CCDC152: variants seen among roughly 807,000 people sequenced by gnomAD.
CCDC152 encodes coiled-coil domain-containing protein 152.
In CCDC152, 37 loss-of-function variants were observed where a neutral mutation model predicts 38.1. That is an observed-to-expected ratio of 0.97 (90% confidence interval 0.75 to 1.28). The LOEUF is 1.28. Among genes scored for constraint, CCDC152 ranks in the 50% most tolerant of loss-of-function variants. CCDC152 has a pLI of 0.00. For synonymous variants in CCDC152, 83 were observed against 87.1 expected, an observed-to-expected ratio of 0.95 and a Z score of 0.26; for missense variants, 259 against 292.1, an observed-to-expected ratio of 0.89 and a Z score of 0.83.
intron 7 of CCDC152, 42 bp from the exon 8 acceptor site, chr5:42,799,333 A>G: frequency 1.0e-6 from 1 of 1,004,812 alleles, no homozygotes; most frequent in Non-Finnish European, 1.5e-6. Context: ...ATTGTTTCTA[A>G]TTGTCTAGAG....
intron 2 of CCDC152, 85 bp from the exon 3 acceptor site, chr5:42,762,358 A>G: frequency 2.9e-6 from 2 of 696,596 alleles, no homozygotes. Context: ...AGTGGTTTGT[A>G]TTTTCATTAG....
In CCDC152 at chr5:42,794,667, C is replaced by T. The variant is rs559176875; in HGVS notation, c.431-2162C>T. 5.3e-5 allele frequency among the ~76,000 whole-genome samples: 8 copies of T among 152,266 alleles called. No homozygotes were observed. In the East Asian group the frequency reaches 7.7e-4, roughly 15 times the overall value. Reference sequence around the variant, plus strand: ...CCAAACCTTGTGGAGATTTCTCTTACGGCTAACTCTACCTTAGAACATATA... The same window carrying T: ...CCAAACCTTGTGGAGATTTCTCTTATGGCTAACTCTACCTTAGAACATATA... On this transcript the variant is annotated intron_variant, in intron 6 of 8. Coordinates refer to ENST00000361970, the MANE Select transcript of CCDC152 (RefSeq NM_001134848.2).
At chr5:42,780,248 G>A (rs1283129297) in intron 5 of CCDC152, among the ~76,000 whole-genome samples, 1 of 152,020 alleles carries the variant, frequency 6.6e-6, no homozygotes, top group East Asian at 1.9e-4. Flanking sequence ...ATTCAGTCTG[G>A]TTCCTCATCT....
intron 4 of CCDC152, among the ~76,000 whole-genome samples, chr5:42,776,815 A>C (rs1759773581): frequency 6.6e-6 from 1 of 152,254 alleles, no homozygotes; most frequent in South Asian, 2.1e-4. Context: ...TAAATAATAC[A>C]GTGGTCAAAA....
Position 42,801,704 on chromosome 5 carries a change from C to T in CCDC152, c.*1923C>T, listed in dbSNP as rs1191662348. 2 of 246,932 alleles carry T rather than the reference C, an allele frequency of 8.1e-6. No individual in the cohort carries two copies. The highest frequency in any genetic ancestry group is 5.5e-5 in the Admixed American group (1 of 18,342). 15.3% of individuals were successfully genotyped at this position (246,932 alleles called of 1,614,324 possible). On this transcript the variant is annotated 3_prime_UTR_variant, in exon 9 of 9. Transcript: ENST00000361970. ...GGCCGAGGGGGGCAGATTACTTGGG[C>T]TCAGGAGTCGGAGACCAGCCTGGGC... is the stretch of plus-strand genomic sequence containing the variant.
intron 6 of CCDC152, among the ~76,000 whole-genome samples, chr5:42,783,940 G>A (rs1208052928): frequency 6.6e-6 from 1 of 152,128 alleles, no homozygotes; most frequent in Non-Finnish European, 1.5e-5. Flanking sequence ...TTTTACAGCT[G>A]CGTAGTATTT....
At chr5:42,762,180 A>T (rs1433461091) in intron 2 of CCDC152, among the ~76,000 whole-genome samples, 1 of 152,232 alleles carries the variant, frequency 6.6e-6, no homozygotes, top group East Asian at 1.9e-4. Flanking sequence ...AACATAGAAA[A>T]GGTACAGTAA....
chr5:42,767,903 C>T (rs1490691397), intron 3 of CCDC152, among the ~76,000 whole-genome samples: 3 of 152,158 alleles, frequency 2.0e-5, no homozygotes, highest in African/African-American at 4.8e-5. Flanking sequence ...CACAGTGACA[C>T]TCATGAAGCA....
intron 4 of CCDC152, among the ~76,000 whole-genome samples, chr5:42,777,956 G>A (rs987881652): frequency 6.6e-6 from 1 of 152,096 alleles, no homozygotes; most frequent in African/African-American, 2.4e-5. Context: ...CTATTTCCAA[G>A]GCTCCTCTCA....
In CCDC152 at chr5:42,800,488, C is replaced by T. The variant is rs751291278; in HGVS notation, c.*707C>T. On this transcript the variant is annotated 3_prime_UTR_variant, in exon 9 of 9. Transcript: ENST00000361970. The stretch of plus-strand genomic sequence containing the variant: ...AACACTGGAAAAAGAAAAAAAAAGA[C>T]ATATTAACCAAAAGCTGCAATCACC... The T allele has an allele frequency of 6.7e-6, 3 of 446,482 alleles. No individual in the cohort carries two copies. Among genetic ancestry groups the T allele is most frequent in the Non-Finnish European group, 1.2e-5 (3 of 258,452 alleles). 27.7% of individuals were successfully genotyped at this position (446,482 alleles called of 1,614,324 possible).
rs146100889 is a variant in CCDC152, at chr5:42,768,205, T to A, written c.194-1392T>A. On this transcript the variant is annotated intron_variant, in intron 3 of 8. Transcript: ENST00000361970. ...ATTCTCCCTTCACAGTATTGGTTCT[T>A]TCATTCAGTCGACAAAACATATGTT... is the stretch of plus-strand genomic sequence containing the variant. Among the ~76,000 whole-genome samples the A allele has an allele frequency of 5.0e-4, 76 of 152,356 alleles. 2 individuals are homozygous for A. The South Asian group carries it at 9.3e-3, about 19-fold the overall frequency.
chr5:42,758,268 A>G (rs1293011916), intron 1 of CCDC152, among the ~76,000 whole-genome samples: 1 of 152,226 alleles, frequency 6.6e-6, no homozygotes, highest in Admixed American at 6.5e-5. Context: ...GTTTTGGTTA[A>G]CTTCCTTTTA....
rs998307743 is a variant in CCDC152, at chr5:42,772,603, A to T, written c.262+2938A>T. 4.7e-5 allele frequency among the ~76,000 whole-genome samples: 7 copies of T among 150,196 alleles called. No individual in the cohort carries two copies. The Admixed American group carries it at 4.7e-4, about 10-fold the overall frequency. On this transcript the variant is annotated intron_variant, in intron 4 of 8. Transcript: ENST00000361970. ...GAGTTGGAGGTTGCAGTGAGCCGAG[A>T]TCGCACCGCTGCACTCCAGCCTGGC...
chr5:42,785,246 C>A (rs1759903073), intron 6 of CCDC152, among the ~76,000 whole-genome samples: 1 of 152,038 alleles, frequency 6.6e-6, no homozygotes, highest in South Asian at 2.1e-4. Context: ...AATGCTTTTT[C>A]ATTTGTTTGT....
intron 6 of CCDC152, among the ~76,000 whole-genome samples, chr5:42,791,314 C>A (rs1759997167): frequency 6.6e-6 from 1 of 152,204 alleles, no homozygotes; most frequent in African/African-American, 2.4e-5. Context: ...TTGTGGCCTC[C>A]TGCCTTTTGG....
At chr5:42,769,842 G>C (rs1561273706) in intron 4 of CCDC152, among the ~76,000 whole-genome samples, 177 bp downstream of exon 4, 2 of 152,114 alleles carry the variant, frequency 1.3e-5, no homozygotes, top group African/African-American at 4.8e-5. Flanking sequence ...ATCCTGAACA[G>C]AACAATTCAG....
In CCDC152 at chr5:42,799,826, G is replaced by C; in HGVS notation, c.*45G>C. ...AGTTGGTATTTATTTAAAAGCAATC[G>C]AAAGTTTCACTTCTGTTTTCAATAT... On this transcript the variant is annotated 3_prime_UTR_variant, in exon 9 of 9. Transcript: ENST00000361970. 6.5e-7 allele frequency: 1 copy of C among 1,541,426 alleles called. No homozygotes were observed. The highest frequency in any genetic ancestry group is 8.7e-7 in the Non-Finnish European group (1 of 1,143,182).
intron 6 of CCDC152, among the ~76,000 whole-genome samples, chr5:42,788,951 T>C (rs1759961870): frequency 6.6e-6 from 1 of 152,140 alleles, no homozygotes; most frequent in Non-Finnish European, 1.5e-5. Context: ...CAGAGATCCC[T>C]TGGGCAGCAG....
chr5:42,773,111 G>A (rs188730920), intron 4 of CCDC152, among the ~76,000 whole-genome samples: 57 of 152,280 alleles, frequency 3.7e-4, no homozygotes, highest in African/African-American at 1.3e-3. Flanking sequence ...ATGCCAGCAG[G>A]ATGATTTTGG....
Sources: gnomAD v4.1 joint callset for allele counts (sites outside exome capture counted in the v4.1 genomes callset) on GRCh38, gnomAD v4.1.1 for gene constraint, MANE v1.5 for transcripts, NCBI Gene and HGNC (gene_info 2026-07-23, HGNC 2026-07-21) for gene names.